EFCAB8: variants seen among roughly 807,000 people sequenced by gnomAD.
EFCAB8 encodes EF-hand calcium-binding domain-containing protein 8.
A neutral mutation model predicts 116.3 loss-of-function variants in EFCAB8; 100 were observed. The observed-to-expected ratio is 0.86, with a 90% confidence interval of 0.73 to 1.02. EFCAB8 has a LOEUF of 1.02. Ranked by LOEUF, EFCAB8 falls within the 50% of genes least tolerant of loss-of-function variation. The pLI is 0.00. For missense variants in EFCAB8, 1,320 were observed against 1,416.9 expected (o/e 0.93, Z 1.10); for synonymous variants, 558 against 567.9 (o/e 0.98, Z 0.25).
chr20:32,950,025 C>CAA (rs1411199961), intron 23 of EFCAB8, among the ~76,000 whole-genome samples: 6 of 151,622 alleles, frequency 4.0e-5, no homozygotes, highest in African/African-American at 7.3e-5. Context: ...AACAAAACAA[C>CAA]AACAACAACA....
Position 32,943,719 on chromosome 20 carries a change from C to T in EFCAB8, c.2874C>T (p.Ile958=), listed in dbSNP as rs1335526414. The T allele has an allele frequency of 7.2e-6, 3 of 416,850 alleles. No individual in the cohort carries two copies. Among genetic ancestry groups the T allele is most frequent in the African/African-American group, 6.2e-5 (3 of 48,708 alleles). The allele number at this position is 416,850 out of a possible 1,614,324, so 25.8% of individuals were successfully genotyped here. The change falls in exon 23 of 27, where the codon ATC becomes ATT. Residue 958 remains isoleucine, a synonymous_variant. Transcript: ENST00000400522. ...WKGHLNSVAD[I]LYVDNFQLVI... ...GCCATTTGAATAGTGTGGCAGACAT[C>T]CTGTATGTGGACAACTTCCAGCTGG... is the stretch of plus-strand genomic sequence containing the variant.
chr20:32,956,332 A>G (rs990651886), intron 23 of EFCAB8, among the ~76,000 whole-genome samples: 3 of 152,042 alleles, frequency 2.0e-5, no homozygotes, highest in African/African-American at 7.2e-5. Flanking sequence ...TTACTCACAT[A>G]TTTACCATTT....
intron 23 of EFCAB8, among the ~76,000 whole-genome samples, chr20:32,948,803 T>A (rs1988705653): frequency 1.3e-5 from 2 of 152,104 alleles, no homozygotes. Context: ...TTGACAAAAT[T>A]CAACATCCAT....
chr20:32,869,510 A>G (rs1453633840), intron 3 of EFCAB8, among the ~76,000 whole-genome samples: 1 of 152,198 alleles, frequency 6.6e-6, no homozygotes, highest in Non-Finnish European at 1.5e-5. Flanking sequence ...TGCTGGGATT[A>G]CAGGCGTGAG....
intron 1 of EFCAB8, among the ~76,000 whole-genome samples, chr20:32,861,769 A>G (rs1984127578): frequency 1.3e-5 from 2 of 152,196 alleles, no homozygotes; most frequent in Non-Finnish European, 2.9e-5. Flanking sequence ...ATTAAAATAA[A>G]AATCAGAGAA....
At chr20:32,886,796 G>C (rs907696783) in intron 6 of EFCAB8, among the ~76,000 whole-genome samples, 2 of 152,206 alleles carry the variant, frequency 1.3e-5, no homozygotes, top group Non-Finnish European at 2.9e-5. Context: ...ATTCTTCCTG[G>C]AGGGGCCGCT....
chr20:32,868,424 C>G (rs1007988056), intron 3 of EFCAB8, among the ~76,000 whole-genome samples: 1 of 152,154 alleles, frequency 6.6e-6, no homozygotes. Flanking sequence ...GTAGGTATTG[C>G]AAGCATATTG....
intron 17 of EFCAB8, chr20:32,917,008 C>G: frequency 2.9e-6 from 1 of 346,958 alleles, no homozygotes; most frequent in East Asian, 5.5e-5. Flanking sequence ...CCACAATGTC[C>G]CCCCCCCTTT....
At chr20:32,926,766 T>C (rs971502561) in intron 20 of EFCAB8, among the ~76,000 whole-genome samples, 5 of 144,176 alleles carry the variant, frequency 3.5e-5, no homozygotes, top group Non-Finnish European at 7.5e-5. Flanking sequence ...CGGTGTTTGG[T>C]TTTTTGTTCT....
At chr20:32,954,685 TG>T (rs1462533440) in intron 23 of EFCAB8, among the ~76,000 whole-genome samples, 2 of 152,230 alleles carry the variant, frequency 1.3e-5, no homozygotes, top group African/African-American at 4.8e-5. Flanking sequence ...TTCAATTAAT[TG>T]TTGTGTAGAG....
intron 20 of EFCAB8, among the ~76,000 whole-genome samples, chr20:32,925,772 C>T (rs1253798842): frequency 2.0e-5 from 3 of 152,234 alleles, no homozygotes; most frequent in Non-Finnish European, 4.4e-5. Context: ...AGTAGCTTGC[C>T]ATGGCTCCTT....
intron 17 of EFCAB8, among the ~76,000 whole-genome samples, chr20:32,916,448 G>A (rs1436834572): frequency 6.6e-6 from 1 of 151,918 alleles, no homozygotes; most frequent in Non-Finnish European, 1.5e-5. Flanking sequence ...TTGTAGAGAT[G>A]TGGTCTTGCT....
At chr20:32,896,354 C>T (rs1049844367) in intron 9 of EFCAB8, 100 bp from the exon 10 acceptor site, 2 of 673,112 alleles carry the variant, frequency 3.0e-6, no homozygotes, top group Non-Finnish European at 5.5e-6. Context: ...TTTTGAGAAG[C>T]ACAGGAGTTG....
chr20:32,918,083 G>A (rs1382695199), intron 18 of EFCAB8, among the ~76,000 whole-genome samples: 1 of 152,206 alleles, frequency 6.6e-6, no homozygotes, highest in Non-Finnish European at 1.5e-5. Flanking sequence ...GAGATTAAAG[G>A]TAGCCTCAAA....
chr20:32,931,922 G>T (rs1274389167), intron 22 of EFCAB8, among the ~76,000 whole-genome samples: 1 of 152,148 alleles, frequency 6.6e-6, no homozygotes, highest in Non-Finnish European at 1.5e-5. Context: ...AACAATTTAG[G>T]CAAAAGAAGT....
intron 17 of EFCAB8, among the ~76,000 whole-genome samples, chr20:32,916,071 G>T (rs932497330): frequency 1.3e-5 from 2 of 152,134 alleles, no homozygotes; most frequent in African/African-American, 4.8e-5. Context: ...CACTCAGGCT[G>T]TTATAACAGA....
chr20:32,882,794 C>T (rs1302412193), intron 5 of EFCAB8, among the ~76,000 whole-genome samples: 1 of 152,142 alleles, frequency 6.6e-6, no homozygotes, highest in Non-Finnish European at 1.5e-5. Context: ...CTCCCGGGTT[C>T]ATGCCGTTCT....
intron 23 of EFCAB8, among the ~76,000 whole-genome samples, chr20:32,945,379 A>G (rs1234442671): frequency 6.6e-6 from 1 of 152,064 alleles, no homozygotes; most frequent in Non-Finnish European, 1.5e-5. Context: ...CTGGCCTTGA[A>G]TTCTTGAGCT....
At chr20:32,895,571 C>CTTTTTTTTT in intron 9 of EFCAB8, among the ~76,000 whole-genome samples, 1 of 138,472 alleles carries the variant, frequency 7.2e-6, no homozygotes, top group Non-Finnish European at 1.5e-5. Flanking sequence ...TTCTTTCTTT[C>CTTTTTTTTT]TTTCTTTTTT....
Sources: allele counts gnomAD v4.1 joint callset (sites outside exome capture counted in the v4.1 genomes callset), GRCh38; gene constraint gnomAD v4.1.1; transcripts MANE v1.5; gene names NCBI Gene and HGNC (gene_info 2026-07-23, HGNC 2026-07-21).